Variants in SUV39H2 observed in about 807,000 individuals in gnomAD.
SUV39H2 encodes SUV39H2 histone lysine methyltransferase.
Under a neutral mutation model 47.5 loss-of-function variants are expected in SUV39H2, and 10 were observed. That is an observed-to-expected ratio of 0.21 (90% confidence interval 0.13 to 0.36). SUV39H2 has a LOEUF of 0.36. Among genes scored for constraint, SUV39H2 ranks in the 10% least tolerant of loss-of-function variants. SUV39H2 has a pLI of 1.00. For missense variants in SUV39H2, 266 were observed against 487.4 expected, an observed-to-expected ratio of 0.55 and a Z score of 4.28; for synonymous variants, 159 against 166.8, an observed-to-expected ratio of 0.95 and a Z score of 0.36.
intron 3 of SUV39H2, 41 bp from the exon 4 acceptor site, chr10:14,899,498 T>A (rs758218478): frequency 5.6e-6 from 9 of 1,604,434 alleles, no homozygotes; most frequent in Non-Finnish European, 6.8e-6. Context: ...GCTTCTTTGG[T>A]TCAGTAGCTA....
At chr10:14,883,704 C>CAAAAAAA (rs58522342) in intron 2 of SUV39H2, among the ~76,000 whole-genome samples, 572 of 50,002 alleles carry the variant, frequency 0.011, 45 homozygotes, top group African/African-American at 0.025. Flanking sequence ...GACTCAGTCT[C>CAAAAAAA]AAAAAAAAAA....
At position 14,897,390 on chromosome 10, in the gene SUV39H2, A is replaced by G. The variant is rs745944256; in HGVS notation, c.722A>G (p.Asn241Ser). 2 of 1,613,424 alleles carry G rather than the reference A, an allele frequency of 1.2e-6. No individual in the cohort carries two copies. The highest frequency in any genetic ancestry group is 2.2e-5 in the South Asian group (2 of 91,070). Residue 241 changes from asparagine (N) to serine (S), a missense_variant, in exon 3 of 6, where the codon AAT becomes AGT. Transcript: ENST00000354919. ...SRCQCGPDCPNRIVQKGTQYS... is the reference protein window; with the variant it reads ...SRCQCGPDCPSRIVQKGTQYS... ...TGTCAGTGTGGTCCTGATTGTCCCAATAGGATTGTACAAAAAGGCACACAG... is the reference window on the plus strand; with the variant it reads ...TGTCAGTGTGGTCCTGATTGTCCCAGTAGGATTGTACAAAAAGGCACACAG...
chr10:14,879,214 G>A, intron 1 of SUV39H2: 1 of 941,176 alleles, frequency 1.1e-6, no homozygotes, highest in Non-Finnish European at 1.3e-6. Context: ...GTCTCCCGTG[G>A]CGGCCTCGGG....
At chr10:14,884,143 C>T (rs191067912) in intron 2 of SUV39H2, among the ~76,000 whole-genome samples, 34 of 152,290 alleles carry the variant, frequency 2.2e-4, no homozygotes, top group Non-Finnish European at 4.4e-4. Context: ...GAACATTCGC[C>T]TACAGGGTTC....
At chr10:14,902,349 T>C in intron 5 of SUV39H2, 57 bp from the exon 6 acceptor site, 1 of 1,263,394 alleles carries the variant, frequency 7.9e-7, no homozygotes, top group Non-Finnish European at 1.1e-6. Flanking sequence ...AAATTTGAAA[T>C]TTATTCTAAA....
intron 2 of SUV39H2, among the ~76,000 whole-genome samples, chr10:14,896,472 C>G (rs76344136): frequency 0.036 from 5,419 of 152,218 alleles, 294 homozygotes; most frequent in African/African-American, 0.12. Flanking sequence ...AGCCACTAAC[C>G]TAGGTCATAA....
intron 2 of SUV39H2, among the ~76,000 whole-genome samples, chr10:14,893,317 A>G (rs892657981): frequency 3.3e-5 from 5 of 151,972 alleles, no homozygotes; most frequent in African/African-American, 1.2e-4. Context: ...TATTTTTAGT[A>G]CAGATGGGGT....
chr10:14,878,940 C>A, intron 1 of SUV39H2, 21 bp downstream of exon 1: 1 of 1,452,228 alleles, frequency 6.9e-7, no homozygotes, highest in South Asian at 1.4e-5. Context: ...AGCGCGGCCC[C>A]CTCGCCTTCC....
Position 14,898,600 on chromosome 10 carries a change from T to A in SUV39H2, c.850-939T>A, listed in dbSNP as rs1401259676. ...TTGTATAATCAAATTACTCTTTTTG[T>A]TAACCAAAATTTTTTAAGTTGCATT... On this transcript the variant is annotated intron_variant, in intron 3 of 5. Coordinates refer to ENST00000354919, the MANE Select transcript of SUV39H2 (RefSeq NM_001193424.2). 4 of 152,250 alleles carry A rather than the reference T, an allele frequency of 2.6e-5. No homozygotes were observed. The East Asian group carries it at 5.8e-4, about 22-fold the overall frequency. 9.4% of individuals were successfully genotyped at this position (152,250 alleles called of 1,614,324 possible).
chr10:14,900,528 A>G (rs1833931052), intron 4 of SUV39H2, among the ~76,000 whole-genome samples: 1 of 152,196 alleles, frequency 6.6e-6, no homozygotes, highest in Non-Finnish European at 1.5e-5. Context: ...TCTTAATGAT[A>G]AATTCGAGAT....
intron 3 of SUV39H2, chr10:14,899,249 G>T (rs762095148): frequency 8.3e-5 from 58 of 702,018 alleles, no homozygotes; most frequent in Admixed American, 3.0e-4. Flanking sequence ...GATCCCAGGA[G>T]TTAAAGGATA....
chr10:14,885,648 C>T (rs556856561), intron 2 of SUV39H2, among the ~76,000 whole-genome samples: 1 of 152,302 alleles, frequency 6.6e-6, no homozygotes, highest in Non-Finnish European at 1.5e-5. Flanking sequence ...CCTTCCTTTG[C>T]TCTCTTATGT....
intron 3 of SUV39H2, chr10:14,899,074 C>T (rs1833805664): frequency 4.9e-6 from 3 of 606,394 alleles, no homozygotes; most frequent in Middle Eastern, 4.1e-4. Flanking sequence ...AATCCCAGCA[C>T]TTGGGGAGGT....
At chr10:14,882,019 C>G (rs1833052994) in intron 2 of SUV39H2, among the ~76,000 whole-genome samples, 1 of 152,230 alleles carries the variant, frequency 6.6e-6, no homozygotes, top group Non-Finnish European at 1.5e-5. Flanking sequence ...TACTGACTCT[C>G]AAGAACATCA....
chr10:14,883,170 CTT>C (rs1216490912), intron 2 of SUV39H2, among the ~76,000 whole-genome samples: 1 of 152,048 alleles, frequency 6.6e-6, no homozygotes, highest in East Asian at 1.9e-4. Context: ...CCCCGCCAGA[CTT>C]TTTTTCTTCT....
Position 14,896,890 on chromosome 10 carries a change from T to G in SUV39H2, c.222T>G (p.Ser74=). 2 of 1,607,334 alleles carry G rather than the reference T, an allele frequency of 1.2e-6. No homozygotes were observed. Among genetic ancestry groups the G allele is most frequent in the Non-Finnish European group, 1.7e-6 (2 of 1,175,860 alleles). Residue 74 remains serine, a synonymous_variant, in exon 3 of 6, where the codon TCT becomes TCG. Coordinates refer to ENST00000354919, the MANE Select transcript of SUV39H2 (RefSeq NM_001193424.2). ...TAAAATGGAAAGGATGGCCAGATTCTACAAATACTTGGGAACCTTTGCAAA... is the reference window on the plus strand; with the variant it reads ...TAAAATGGAAAGGATGGCCAGATTCGACAAATACTTGGGAACCTTTGCAAA... ...YLVKWKGWPD[S]TNTWEPLQNL...
intron 4 of SUV39H2, 129 bp downstream of exon 4, chr10:14,899,814 A>C: frequency 6.2e-6 from 7 of 1,137,416 alleles, no homozygotes; most frequent in Non-Finnish European, 8.5e-6. Context: ...TTTTATAAGG[A>C]GGGCAGCTTC....
At chr10:14,892,694 C>T (rs1833426019) in intron 2 of SUV39H2, among the ~76,000 whole-genome samples, 1 of 152,156 alleles carries the variant, frequency 6.6e-6, no homozygotes, top group Admixed American at 6.5e-5. Flanking sequence ...AGAGATTTTA[C>T]TCCTAAAGGC....
At position 14,902,596 on chromosome 10, in the gene SUV39H2, T is replaced by C; in HGVS notation, c.*84T>C. On this transcript the variant is annotated 3_prime_UTR_variant, in exon 6 of 6. Transcript: ENST00000354919. ...TAAAAATACATATTTGGGACTCTTA[T>C]TATCAAGGTTCTACCTATGTTAATT... The C allele has an allele frequency of 1.2e-6, 1 of 815,304 alleles. No individual in the cohort carries two copies. Among genetic ancestry groups the C allele is most frequent in the Non-Finnish European group, 1.8e-6 (1 of 542,540 alleles). The allele number at this position is 815,304 out of a possible 1,614,324, so 50.5% of individuals were successfully genotyped here.
Sources: gnomAD v4.1 joint callset for allele counts (sites outside exome capture counted in the v4.1 genomes callset) on GRCh38, gnomAD v4.1.1 for gene constraint, MANE v1.5 for transcripts, NCBI Gene and HGNC (gene_info 2026-07-23, HGNC 2026-07-21) for gene names.